The following AMBP variants were observed in gnomAD, a reference collection of about 807,000 sequenced individuals.
AMBP encodes the protein alpha-1-microglobulin/bikunin precursor.
AMBP carries 37 observed loss-of-function variants against 46.3 expected under a neutral mutation model. The ratio of observed to expected loss-of-function variants is 0.80; its 90% CI spans 0.61 to 1.05. The LOEUF is 1.05. Among genes scored for constraint, AMBP ranks in the 50% least tolerant of loss-of-function variants. The probability of loss-of-function intolerance (pLI) is 0.00; values close to 1 mark genes in which losing one functional copy is unlikely to be tolerated. For missense variants in AMBP, 475 were observed against 461.2 expected, an observed-to-expected ratio of 1.03 and a Z score of -0.27; for synonymous variants, 174 against 175.9, an observed-to-expected ratio of 0.99 and a Z score of 0.09.
intron 5 of AMBP, 44 bp from the exon 6 acceptor site, chr9:114,069,789 C>A (rs769587647): frequency 2.9e-5 from 47 of 1,602,078 alleles, no homozygotes; most frequent in Non-Finnish European, 3.8e-5. Flanking sequence ...CAGGACCAGG[C>A]CCAGGGGCCA....
intron 6 of AMBP, among the ~76,000 whole-genome samples, chr9:114,069,485 CA>C (rs1440998415): frequency 6.6e-6 from 1 of 152,176 alleles, no homozygotes; most frequent in East Asian, 1.9e-4. Flanking sequence ...GAAGATGAGA[CA>C]AGTGAGGTCC....
intron 6 of AMBP, 140 bp from the exon 7 acceptor site, chr9:114,062,898 G>A: frequency 3.9e-6 from 3 of 769,708 alleles, no homozygotes; most frequent in Middle Eastern, 2.6e-4. Context: ...GGTTAAAGGA[G>A]ACTGTTTTCC....
At chr9:114,061,329 C>T in intron 8 of AMBP, 95 bp downstream of exon 8, 1 of 1,572,266 alleles carries the variant, frequency 6.4e-7, no homozygotes, top group East Asian at 2.3e-5. Context: ...CACTGGAATG[C>T]CCTCTGTTAG....
At chr9:114,066,070 C>A (rs1269716634) in intron 6 of AMBP, among the ~76,000 whole-genome samples, 1 of 152,064 alleles carries the variant, frequency 6.6e-6, no homozygotes, top group Non-Finnish European at 1.5e-5. Flanking sequence ...GCCATCTTAC[C>A]CAAGGTCATG....
intron 8 of AMBP, 81 bp from the exon 9 acceptor site, chr9:114,061,179 G>T (rs1846633383): frequency 1.3e-6 from 2 of 1,525,596 alleles, no homozygotes; most frequent in Non-Finnish European, 1.8e-6. Flanking sequence ...TGAGCCAGAG[G>T]GCCCTGCTCA....
At position 114,061,035 on chromosome 9, in the gene AMBP, T is replaced by TCAGTTGACA. The variant is rs1846630845; in HGVS notation, c.916_917insTGTCAACTG (p.Phe305_Asp306insValSerThr). On this transcript the variant is annotated inframe_insertion, in exon 9 of 10. Coordinates refer to ENST00000265132, the MANE Select transcript of AMBP (RefSeq NM_001633.4). ...GAGGACGCACTTCCCCTTGACAGCATCAAATGCCCAGAGCTGGATGAAGGC... is the reference window on the plus strand; with the variant it reads ...GAGGACGCACTTCCCCTTGACAGCATCAGTTGACACAAATGCCCAGAGCTGGATGAAGGC... The TCAGTTGACA allele has an allele frequency of 6.2e-7, 1 of 1,614,090 alleles. No individual in the cohort carries two copies. Among genetic ancestry groups the TCAGTTGACA allele is most frequent in the South Asian group, 1.1e-5 (1 of 91,090 alleles).
intron 3 of AMBP, among the ~76,000 whole-genome samples, 186 bp downstream of exon 3, chr9:114,074,774 G>A (rs1846786636): frequency 6.6e-6 from 1 of 152,126 alleles, no homozygotes. Context: ...GGCAGGGAAG[G>A]AGAGAGGGAA....
chr9:114,062,432 G>A (rs539402639), intron 7 of AMBP, among the ~76,000 whole-genome samples: 3 of 152,298 alleles, frequency 2.0e-5, no homozygotes, highest in Admixed American at 6.5e-5. Flanking sequence ...TACAGACAGG[G>A]CAAGAACCAG....
intron 5 of AMBP, among the ~76,000 whole-genome samples, chr9:114,072,207 C>T (rs578212941): frequency 1.3e-5 from 2 of 152,328 alleles, no homozygotes; most frequent in East Asian, 3.9e-4. Context: ...GTAACTCCCT[C>T]TTTGGGGCCC....
intron 6 of AMBP, among the ~76,000 whole-genome samples, chr9:114,064,831 T>C (rs1286188711): frequency 6.6e-6 from 1 of 152,182 alleles, no homozygotes; most frequent in Non-Finnish European, 1.5e-5. Context: ...CCCTGCAACC[T>C]CCAGGCCTGG....
intron 5 of AMBP, 27 bp from the exon 6 acceptor site, chr9:114,069,772 T>A (rs768981800): frequency 6.2e-7 from 1 of 1,613,194 alleles, no homozygotes; most frequent in Admixed American, 1.7e-5. Context: ...GAGAGAGGAG[T>A]GAATAACAGG....
In AMBP at chr9:114,069,611, C is replaced by G. The variant is rs532725952; in HGVS notation, c.603+88G>C. The G allele has an allele frequency of 6.1e-6, 8 of 1,312,898 alleles. No homozygotes were observed. The South Asian group carries it at 6.4e-5, about 10-fold the overall frequency. 81.3% of individuals were successfully genotyped at this position (1,312,898 alleles called of 1,614,324 possible). ...TCACCCCCTCCCCATGACTCTGCCT[C>G]CCCCCGCAGCAGGATCAAGTGTGCA... On this transcript the variant is annotated intron_variant, in intron 6 of 9. Transcript: ENST00000265132.
At chr9:114,061,624 G>T in intron 7 of AMBP, 33 bp from the exon 8 acceptor site, 1 of 1,559,240 alleles carries the variant, frequency 6.4e-7, no homozygotes, top group Non-Finnish European at 8.7e-7. Context: ...CACTGACCAA[G>T]TGTTGACTGT....
rs1052356200 is a variant in AMBP at position 114,072,845 on chromosome 9, A to G, written c.556+80T>C. 9.3e-6 allele frequency: 12 copies of G among 1,286,020 alleles called. No homozygotes were observed. In the African/African-American group the frequency reaches 1.6e-4, roughly 17 times the overall value. 79.7% of individuals were successfully genotyped at this position (1,286,020 alleles called of 1,614,324 possible). The stretch of plus-strand genomic sequence containing the variant: ...TTTATCTCAGAGGGTTATAGTAAGG[A>G]CCCAGGGGCTGGGATGGTCTCTGGC... On this transcript the variant is annotated intron_variant, in intron 5 of 9. Transcript: ENST00000265132.
Position 114,076,470 on chromosome 9 carries a change from G to A in AMBP, c.260+128C>T. On this transcript the variant is annotated intron_variant, in intron 2 of 9. Coordinates refer to ENST00000265132, the MANE Select transcript of AMBP (RefSeq NM_001633.4). ...GCCGTCCTGGTGGAGGAGCGTAGAG[G>A]GATCTGGGGTTCAGCGGGAAGGTCC... The A allele has an allele frequency of 3.0e-6, 4 of 1,348,358 alleles. No individual in the cohort carries two copies. In the Admixed American group the frequency reaches 6.7e-5, roughly 22 times the overall value. The allele number at this position is 1,348,358 out of a possible 1,614,324, so 83.5% of individuals were successfully genotyped here.
intron 2 of AMBP, among the ~76,000 whole-genome samples, chr9:114,076,073 A>C (rs562946399): frequency 6.6e-6 from 1 of 152,204 alleles, no homozygotes; most frequent in Admixed American, 6.5e-5. Context: ...GGTCTCGAGC[A>C]GATGTGAGTT....
chr9:114,061,059 G>T lies in AMBP; in HGVS notation c.893C>A (p.Ala298Asp). ...ATCAAATGCCCAGAGCTGGATGAAG[G>T]CTCGGCAGGGGCCCCGGACTATGGG... ...NLPIVRGPCR[A>D]FIQLWAFDAV... Residue 298 changes from alanine to aspartate, a missense_variant, in exon 9 of 10, where the codon GCC becomes GAC. Ala to Asp is a moderately radical substitution (Grantham distance 126). This residue lies in a region of AMBP where 293 missense variants were observed against 276.9 expected (regional missense o/e 1.06). Coordinates refer to ENST00000265132, the MANE Select transcript of AMBP (RefSeq NM_001633.4). 1 of 1,614,254 alleles carries T rather than the reference G, an allele frequency of 6.2e-7. No individual in the cohort carries two copies. The highest frequency in any genetic ancestry group is 8.5e-7 in the Non-Finnish European group (1 of 1,180,048).
intron 7 of AMBP, 89 bp from the exon 8 acceptor site, chr9:114,061,680 A>C (rs1846640862): frequency 7.2e-7 from 1 of 1,380,596 alleles, no homozygotes; most frequent in Admixed American, 2.5e-5. Context: ...ATCTCATTTA[A>C]TTTTCACTAA....
chr9:114,074,880 C>T, intron 3 of AMBP, 80 bp downstream of exon 3: 4 of 1,275,018 alleles, frequency 3.1e-6, no homozygotes, highest in South Asian at 2.5e-5. Context: ...GGAAAGGTTA[C>T]AGAGGCAGAG....
Sources: allele counts gnomAD v4.1 joint callset (sites outside exome capture counted in the v4.1 genomes callset), GRCh38; gene constraint gnomAD v4.1.1; regional missense constraint gnomAD v4.1.1; transcripts MANE v1.5; gene names NCBI Gene and HGNC (gene_info 2026-07-23, HGNC 2026-07-21).